COL8A1: variants seen among roughly 807,000 people sequenced by gnomAD.
The protein encoded by COL8A1 is collagen type VIII alpha 1 chain, also known as collagen alpha-1(VIII) chain.
COL8A1 carries 21 observed loss-of-function variants against 42.7 expected under a neutral mutation model. That is an observed-to-expected ratio of 0.49 (90% CI 0.35 to 0.71). The LOEUF is 0.71. Ranked by LOEUF, COL8A1 falls within the 30% of genes least tolerant of loss-of-function variation. The pLI, the probability that COL8A1 is intolerant of heterozygous loss-of-function variation, is 0.01. For synonymous variants in COL8A1, 367 were observed against 369.1 expected, an observed-to-expected ratio of 0.99 and a Z score of 0.06; for missense variants, 788 against 962.4, an observed-to-expected ratio of 0.82 and a Z score of 2.40.
chr3:99,702,495 G>C (rs1295709376), intron 1 of COL8A1, among the ~76,000 whole-genome samples: 1 of 152,124 alleles, frequency 6.6e-6, no homozygotes, highest in African/African-American at 2.4e-5. Flanking sequence ...ATAAAGATAA[G>C]TTATCATTTC....
chr3:99,792,516 C>A (rs150503119), intron 3 of COL8A1, among the ~76,000 whole-genome samples: 2 of 152,204 alleles, frequency 1.3e-5, no homozygotes, highest in South Asian at 2.1e-4. Context: ...TATAACAGCA[C>A]GTGCTGTGTA....
chr3:99,660,272 T>C (rs1938164828), intron 1 of COL8A1, among the ~76,000 whole-genome samples: 1 of 151,960 alleles, frequency 6.6e-6, no homozygotes, highest in Non-Finnish European at 1.5e-5. Context: ...ATACAGGTGG[T>C]ATGATTGAAG....
At chr3:99,752,018 T>C (rs1009609700) in intron 2 of COL8A1, among the ~76,000 whole-genome samples, 3 of 152,200 alleles carry the variant, frequency 2.0e-5, no homozygotes, top group African/African-American at 7.2e-5. Context: ...AAAATCCTCC[T>C]GATTTAATGC....
Position 99,794,218 on chromosome 3 carries a change from T to C in COL8A1, c.329-12T>C. The C allele has an allele frequency of 2.6e-6, 4 of 1,531,226 alleles. No individual in the cohort carries two copies. Among genetic ancestry groups the C allele is most frequent in the Non-Finnish European group, 2.6e-6 (3 of 1,137,264 alleles). 94.9% of individuals were successfully genotyped at this position (1,531,226 alleles called of 1,614,324 possible). On this transcript the variant is annotated splice_polypyrimidine_tract_variant and intron_variant, in intron 3 of 3. Transcript: ENST00000652472. This position sits in a 1 kb window ranked among gnomAD's most constrained non-coding sequence, Gnocchi z 4.3. ...CCCCCCATACCCCTTCTCTCTCTTC[T>C]CTTCCCAGTAGAAATACCATTAGCC...
At chr3:99,646,820 G>C (rs1167256517) in intron 1 of COL8A1, among the ~76,000 whole-genome samples, 1 of 152,128 alleles carries the variant, frequency 6.6e-6, no homozygotes, top group Non-Finnish European at 1.5e-5. Context: ...GTCTTAAAAG[G>C]CTTATATTCT....
At chr3:99,679,200 A>C (rs1938791915) in intron 1 of COL8A1, 1 of 152,216 alleles carries the variant, frequency 6.6e-6, no homozygotes, top group Non-Finnish European at 1.5e-5. Context: ...CTCATTAGGT[A>C]ATTGTCAAAG....
chr3:99,682,783 A>G (rs192579922), intron 1 of COL8A1, among the ~76,000 whole-genome samples: 5 of 152,298 alleles, frequency 3.3e-5, no homozygotes, highest in East Asian at 3.9e-4. Flanking sequence ...ACACTCTCAC[A>G]TCAGAAATTC....
chr3:99,670,922 G>T (rs987563249), intron 1 of COL8A1, among the ~76,000 whole-genome samples: 2 of 151,620 alleles, frequency 1.3e-5, no homozygotes. Context: ...TTCCCCAGTT[G>T]TAGCACATTC....
At chr3:99,653,813 A>G (rs1937928214) in intron 1 of COL8A1, among the ~76,000 whole-genome samples, 1 of 151,646 alleles carries the variant, frequency 6.6e-6, no homozygotes, top group Non-Finnish European at 1.5e-5. Context: ...TGCCATATTT[A>G]ATGTCAGTGT....
At chr3:99,656,374 A>G (rs1218664111) in intron 1 of COL8A1, among the ~76,000 whole-genome samples, 1 of 152,142 alleles carries the variant, frequency 6.6e-6, no homozygotes, top group Non-Finnish European at 1.5e-5. Flanking sequence ...GCTTGACATG[A>G]TCAAAGTGGT....
chr3:99,789,412 A>G (rs909100876), intron 2 of COL8A1, among the ~76,000 whole-genome samples: 1 of 152,170 alleles, frequency 6.6e-6, no homozygotes, highest in East Asian at 1.9e-4. Context: ...TTATGATGAC[A>G]TGTCCCTTAA....
At chr3:99,724,806 T>A (rs1199839579) in intron 1 of COL8A1, among the ~76,000 whole-genome samples, 1 of 152,042 alleles carries the variant, frequency 6.6e-6, no homozygotes, top group Non-Finnish European at 1.5e-5. Flanking sequence ...GACATTTCAT[T>A]TAATTCAACA....
intron 1 of COL8A1, among the ~76,000 whole-genome samples, chr3:99,704,977 C>T (rs1035617937): frequency 3.3e-5 from 5 of 151,980 alleles, no homozygotes. Flanking sequence ...GACTAGATGT[C>T]CAGAAGTTTG....
chr3:99,717,188 G>A (rs1940023699), intron 1 of COL8A1, among the ~76,000 whole-genome samples: 1 of 151,714 alleles, frequency 6.6e-6, no homozygotes, highest in South Asian at 2.1e-4. Flanking sequence ...TTTATATGAG[G>A]GGTTATTATA....
intron 1 of COL8A1, among the ~76,000 whole-genome samples, chr3:99,736,247 G>T (rs1443125709): frequency 6.6e-6 from 1 of 152,080 alleles, no homozygotes; most frequent in Non-Finnish European, 1.5e-5. Context: ...TGATGTTAGG[G>T]TGTCAATTTT....
intron 1 of COL8A1, among the ~76,000 whole-genome samples, chr3:99,645,869 C>T (rs984087270): frequency 6.6e-6 from 1 of 152,156 alleles, no homozygotes; most frequent in Non-Finnish European, 1.5e-5. Flanking sequence ...AATCTAAATG[C>T]TCAATTCAGT....
intron 2 of COL8A1, among the ~76,000 whole-genome samples, chr3:99,778,774 C>T (rs765009146): frequency 1.3e-5 from 2 of 152,064 alleles, no homozygotes; most frequent in East Asian, 1.9e-4. Context: ...ATCCAGTGTT[C>T]GGGTGCTCTC....
At chr3:99,704,118 G>A (rs115973286) in intron 1 of COL8A1, among the ~76,000 whole-genome samples, 2,218 of 152,162 alleles carry the variant, frequency 0.015, 50 homozygotes, top group African/African-American at 0.05. Flanking sequence ...TATGTAAAAT[G>A]TTTACATATA....
intron 1 of COL8A1, chr3:99,678,637 C>A (rs1938773436): frequency 6.8e-6 from 1 of 147,126 alleles, no homozygotes; most frequent in Non-Finnish European, 1.5e-5. Flanking sequence ...TCTCAAGACT[C>A]CCTTATGTGT....
Sources: allele counts gnomAD v4.1 joint callset (sites outside exome capture counted in the v4.1 genomes callset), GRCh38; gene constraint gnomAD v4.1.1; non-coding constraint Gnocchi (gnomAD v3.1); transcripts MANE v1.5; gene names NCBI Gene and HGNC (gene_info 2026-07-23, HGNC 2026-07-21).